The following CTTNBP2 variants were observed in gnomAD, a reference collection of about 807,000 sequenced individuals.
CTTNBP2 encodes the protein cortactin-binding protein 2.
A neutral mutation model predicts 156.9 loss-of-function variants in CTTNBP2; 108 were observed. The observed-to-expected ratio is 0.69, with a 90% confidence interval of 0.59 to 0.81. The LOEUF (loss-of-function observed/expected upper bound fraction) is 0.81. Ranked by LOEUF, CTTNBP2 falls within the 30% of genes least tolerant of loss-of-function variation. CTTNBP2 has a pLI of 0.00. For synonymous variants in CTTNBP2, 767 were observed against 751.8 expected, an observed-to-expected ratio of 1.02 and a Z score of -0.33; for missense variants, 1,924 against 2,035.4, an observed-to-expected ratio of 0.95 and a Z score of 1.05.
chr7:117,813,373 C>T (rs375134225), intron 2 of CTTNBP2, among the ~76,000 whole-genome samples: 43 of 152,212 alleles, frequency 2.8e-4, no homozygotes, highest in African/African-American at 9.6e-4. Context: ...AGCATTTAAC[C>T]AGACAAGGGG....
intron 5 of CTTNBP2, 73 bp downstream of exon 5, chr7:117,784,178 T>C (rs929985602): frequency 2.6e-6 from 3 of 1,165,830 alleles, no homozygotes; most frequent in African/African-American, 3.1e-5. Context: ...TTTCTGCTCA[T>C]TACAATTGAT....
chr7:117,747,212 C>T (rs140368088), intron 12 of CTTNBP2, among the ~76,000 whole-genome samples: 1 of 152,274 alleles, frequency 6.6e-6, no homozygotes, highest in South Asian at 2.1e-4. Flanking sequence ...AGTTTGTTCT[C>T]TCTATAATCT....
intron 14 of CTTNBP2, among the ~76,000 whole-genome samples, chr7:117,736,529 G>T (rs1795716945): frequency 6.6e-6 from 1 of 152,088 alleles, no homozygotes; most frequent in African/African-American, 2.4e-5. Context: ...AGTAATTTGT[G>T]GTCTCAGAAA....
In CTTNBP2 at chr7:117,734,946, C is replaced by T; in HGVS notation, c.3843G>A (p.Leu1281=). ...CAACTTTCCTTCGTAAGAACCTCTG[C>T]AGCAGTCCTTGCATGGGCTCGCCAT... ...RWDGEPMQGL[L]QRFLRRKVVN... The change falls in exon 16 of 23, where the codon CTG becomes CTA. Residue 1281 remains leucine, a synonymous_variant. Transcript: ENST00000160373. The T allele has an allele frequency of 1.9e-6, 3 of 1,611,220 alleles. No individual in the cohort carries two copies. The highest frequency in any genetic ancestry group is 2.5e-6 in the Non-Finnish European group (3 of 1,177,906).
At chr7:117,845,862 T>C (rs1175791206) in intron 2 of CTTNBP2, among the ~76,000 whole-genome samples, 1 of 152,160 alleles carries the variant, frequency 6.6e-6, no homozygotes, top group Non-Finnish European at 1.5e-5. Context: ...TTTTTTCTTT[T>C]TTTTTTGAGA....
intron 2 of CTTNBP2, among the ~76,000 whole-genome samples, chr7:117,811,970 C>T (rs911907552): frequency 1.4e-5 from 2 of 147,750 alleles, no homozygotes; most frequent in Admixed American, 6.7e-5. Flanking sequence ...AAATAAATAA[C>T]AATATTCGTA....
intron 8 of CTTNBP2, among the ~76,000 whole-genome samples, chr7:117,770,109 A>T (rs1029683929): frequency 6.6e-6 from 1 of 152,230 alleles, no homozygotes. Context: ...AACAGTCCAA[A>T]TATCCAGTTA....
At chr7:117,793,698 C>T (rs1426532410) in intron 3 of CTTNBP2, 1 of 152,188 alleles carries the variant, frequency 6.6e-6, no homozygotes, top group Non-Finnish European at 1.5e-5. Flanking sequence ...CCTTTTCCTT[C>T]ACAGAAAGGC....
chr7:117,805,147 T>C (rs534182938), intron 3 of CTTNBP2, among the ~76,000 whole-genome samples: 2 of 152,322 alleles, frequency 1.3e-5, no homozygotes, highest in Admixed American at 6.5e-5. Flanking sequence ...CAATATCATA[T>C]AGGCATTTTT....
chr7:117,838,757 A>C (rs780027214), intron 2 of CTTNBP2, among the ~76,000 whole-genome samples: 1 of 152,162 alleles, frequency 6.6e-6, no homozygotes, highest in African/African-American at 2.4e-5. Context: ...AAATAGTGGC[A>C]TATAAAATAC....
intron 2 of CTTNBP2, 146 bp from the exon 3 acceptor site, chr7:117,811,135 CA>C: frequency 1.6e-6 from 1 of 634,774 alleles, no homozygotes. Context: ...GAGTGAGAGG[CA>C]AATGTGACCC....
rs1491238495 is a variant in CTTNBP2, at chr7:117,768,090, TGC to T, written c.2779-916_2779-915del. Among the ~76,000 whole-genome samples, 8 of 22,538 alleles carry T rather than the reference TGC, an allele frequency of 3.5e-4. No homozygotes were observed. The East Asian group carries it at 0.013, about 36-fold the overall frequency. The allele number at this position is 22,538 out of a possible 152,430, so 14.8% of individuals were successfully genotyped here. A position where few individuals can be genotyped will look rare whatever the true frequency, so the allele number is the denominator to read the frequency against. ...ATGCCCTGCCCATCACTCCTGTAAA[TGC>T]ACACACACACACACACACACACACC... On this transcript the variant is annotated intron_variant, in intron 8 of 22. Transcript: ENST00000160373.
intron 2 of CTTNBP2, among the ~76,000 whole-genome samples, chr7:117,819,210 A>C (rs1002824637): frequency 6.6e-6 from 1 of 152,172 alleles, no homozygotes; most frequent in Admixed American, 6.5e-5. Context: ...CTCTTTTAAG[A>C]AGGAAGGGGG....
intron 19 of CTTNBP2, among the ~76,000 whole-genome samples, chr7:117,722,873 A>C (rs1457553879): frequency 6.6e-6 from 1 of 152,190 alleles, no homozygotes; most frequent in African/African-American, 2.4e-5. Context: ...ACAGAACCGC[A>C]TATTTCCAGG....
intron 2 of CTTNBP2, among the ~76,000 whole-genome samples, chr7:117,852,300 A>C (rs1014304147): frequency 2.1e-5 from 3 of 145,234 alleles, no homozygotes; most frequent in African/African-American, 7.7e-5. Flanking sequence ...TACAAAACCA[A>C]AAAAAAAAAA....
Position 117,725,155 on chromosome 7 carries a change from A to T in CTTNBP2, c.4158T>A (p.Thr1386=), listed in dbSNP as rs762371229. Residue 1386 remains threonine, a synonymous_variant, in exon 18 of 23, where the codon ACT becomes ACA. Coordinates refer to ENST00000160373, the MANE Select transcript of CTTNBP2 (RefSeq NM_033427.3). ...GTCCTTGGCTAGGGTGTCTTTTAGC[A>T]GTTGTCTGCCCAAAGCCAGGTTGTC... ...VKRQPGFGQT[T]AKRHPSQGQQ... 1.4e-5 allele frequency: 22 copies of T among 1,613,750 alleles called. 1 individual carries two copies. The South Asian group carries it at 2.3e-4, about 17-fold the overall frequency.
chr7:117,716,015 ATCATCTAGCTCTT>A (rs1450297158), intron 22 of CTTNBP2: 1 of 149,816 alleles, frequency 6.7e-6, no homozygotes, highest in Admixed American at 6.6e-5. Context: ...TGAGAAAAAC[ATCATCTAGCTCTT>A]GGGGAAGAGT....
chr7:117,811,633 TA>T (rs1190966855), intron 2 of CTTNBP2, among the ~76,000 whole-genome samples: 1 of 152,088 alleles, frequency 6.6e-6, no homozygotes, highest in East Asian at 1.9e-4. Flanking sequence ...TATTGACAAT[TA>T]AAATAATTTT....
intron 14 of CTTNBP2, among the ~76,000 whole-genome samples, chr7:117,735,652 T>C (rs1034176793): frequency 2.6e-5 from 4 of 152,146 alleles, no homozygotes; most frequent in African/African-American, 9.7e-5. Flanking sequence ...AAGTCTCAAA[T>C]GGAATCAACC....
Sources: gnomAD v4.1 joint callset for allele counts (sites outside exome capture counted in the v4.1 genomes callset) on GRCh38, gnomAD v4.1.1 for gene constraint, MANE v1.5 for transcripts, NCBI Gene and HGNC (gene_info 2026-07-23, HGNC 2026-07-21) for gene names.